The following STAG2 variants were observed in gnomAD, a reference collection of about 807,000 sequenced individuals.
The protein encoded by STAG2 is STAG2 cohesin complex component.
Under a neutral mutation model 108.1 loss-of-function variants are expected in STAG2, and 14 were observed. The ratio of observed to expected loss-of-function variants is 0.13; its 90% CI spans 0.09 to 0.20. The LOEUF (loss-of-function observed/expected upper bound fraction) is 0.20. Ranked by LOEUF, STAG2 falls within the 10% of genes least tolerant of loss-of-function variation. The pLI, the probability that STAG2 is intolerant of heterozygous loss-of-function variation, is 1.00. For synonymous variants in STAG2, 307 were observed against 302.7 expected (o/e 1.01, Z -0.15); for missense variants, 440 against 940.9 (o/e 0.47, Z 6.96).
Position 124,056,307 on chromosome X carries a change from A to G in STAG2, c.1304+72A>G, listed in dbSNP as rs889066781. ...ACAGTAATTTGTTATGTTATACTTG[A>G]CATTAAGATTATATATATATAACTT... On this transcript the variant is annotated intron_variant, in intron 14 of 34. Transcript: ENST00000371145. 120 of 638,681 alleles carry G rather than the reference A, an allele frequency of 1.9e-4. 1 individual carries two copies. In the African/African-American group the frequency reaches 2.0e-3, roughly 11 times the overall value. The allele number at this position is 638,681 out of a possible 1,213,427, so 52.6% of individuals were successfully genotyped here.
chrX:123,973,540 CAAAAAAAAAA>C (rs35943528), intron 1 of STAG2, among the ~76,000 whole-genome samples: 1 of 46,206 alleles, frequency 2.2e-5, no homozygotes, highest in African/African-American at 9.0e-5. Flanking sequence ...GACTCTGTCT[CAAAAAAAAAA>C]AAAAAAAAAA....
At chrX:124,057,460 T>C (rs968919721) in intron 14 of STAG2, among the ~76,000 whole-genome samples, 1 of 112,081 alleles carries the variant, frequency 8.9e-6, no homozygotes. Context: ...TAAGTTGGGG[T>C]AATTTTGCCA....
intron 4 of STAG2, among the ~76,000 whole-genome samples, 178 bp from the exon 5 acceptor site, chrX:124,030,783 T>C (rs961302488): frequency 2.7e-5 from 3 of 111,261 alleles, no homozygotes; most frequent in Non-Finnish European, 5.6e-5. Context: ...GTAGTATACT[T>C]GAAAAAATGG....
intron 8 of STAG2, among the ~76,000 whole-genome samples, chrX:124,046,651 T>C (rs2057888842): frequency 8.9e-6 from 1 of 111,989 alleles, no homozygotes; most frequent in Admixed American, 9.5e-5. Context: ...GTTAATAAAT[T>C]TTAAATCCCA....
At chrX:123,984,054 C>T (rs1284275974) in intron 1 of STAG2, among the ~76,000 whole-genome samples, 2 of 97,852 alleles carry the variant, frequency 2.0e-5, no homozygotes. Context: ...TCTTGGCTCA[C>T]TGCAACCTCT....
chrX:124,081,790 A>G (rs1214248282), intron 28 of STAG2, among the ~76,000 whole-genome samples: 3 of 111,751 alleles, frequency 2.7e-5, no homozygotes, highest in Non-Finnish European at 5.6e-5. Flanking sequence ...ACTTGAGGCC[A>G]GTAGTTTGAG....
intron 1 of STAG2, among the ~76,000 whole-genome samples, chrX:124,004,073 C>T (rs757209884): frequency 5.4e-5 from 6 of 111,884 alleles, no homozygotes; most frequent in South Asian, 3.7e-4. Flanking sequence ...GTTGTGCAGC[C>T]GTCACCACCA....
In STAG2 at chrX:124,048,874, G is replaced by T. The variant is rs2057954273; in HGVS notation, c.820-131G>T. On this transcript the variant is annotated intron_variant, in intron 9 of 34. Transcript: ENST00000371145. Reference sequence around the variant, plus strand: ...CTGTTAATTTTTCTATATGGTTACTGTTGTCTAGTATAATTCAAAATTCCC... The same window carrying T: ...CTGTTAATTTTTCTATATGGTTACTTTTGTCTAGTATAATTCAAAATTCCC... 11 of 483,799 alleles carry T rather than the reference G, an allele frequency of 2.3e-5. No homozygotes were observed. In the Admixed American group the frequency reaches 4.7e-4, roughly 21 times the overall value. The allele number at this position is 483,799 out of a possible 1,213,427, so 39.9% of individuals were successfully genotyped here.
intron 15 of STAG2, among the ~76,000 whole-genome samples, chrX:124,058,907 G>C: frequency 9.0e-6 from 1 of 111,319 alleles, no homozygotes; most frequent in Non-Finnish European, 1.9e-5. Context: ...TTATTCTTTA[G>C]GATTTTCTAC....
intron 19 of STAG2, among the ~76,000 whole-genome samples, chrX:124,063,593 A>G (rs1303997907): frequency 8.9e-6 from 1 of 112,080 alleles, no homozygotes; most frequent in Non-Finnish European, 1.9e-5. Context: ...CTGTGGATTA[A>G]TGTAAGCTCT....
chrX:124,069,448 C>T (rs2058615663), intron 24 of STAG2, among the ~76,000 whole-genome samples: 1 of 111,891 alleles, frequency 8.9e-6, no homozygotes, highest in African/African-American at 3.2e-5. Context: ...TTTTTGGACA[C>T]TGTGATATGT....
chrX:124,026,590 G>T, intron 4 of STAG2: 1 of 271,499 alleles, frequency 3.7e-6, no homozygotes, highest in Non-Finnish European at 7.6e-6. Flanking sequence ...ATGAATTTTG[G>T]ATTTATATTG....
rs991927369 is a variant in STAG2 at position 124,043,394 on chromosome X, G to A, written c.462+749G>A. Among the ~76,000 whole-genome samples, 4 of 111,027 alleles carry A rather than the reference G, an allele frequency of 3.6e-5. No homozygotes were observed. The South Asian group carries it at 1.5e-3, about 42-fold the overall frequency. ...TCGAACTCATTACCTCAAGTGACCCGCCCACCTTGGCCTCCCAAAGTGCGG... is the reference window on the plus strand; with the variant it reads ...TCGAACTCATTACCTCAAGTGACCCACCCACCTTGGCCTCCCAAAGTGCGG... On this transcript the variant is annotated intron_variant, in intron 7 of 34. Coordinates refer to ENST00000371145, the MANE Select transcript of STAG2 (RefSeq NM_001042750.2).
In STAG2 at chrX:124,058,302, C is replaced by T. The variant is rs1316617145; in HGVS notation, c.1416+325C>T. 2.7e-5 allele frequency among the ~76,000 whole-genome samples: 3 copies of T among 110,146 alleles called. No individual in the cohort carries two copies. In the South Asian group the frequency reaches 1.2e-3, roughly 43 times the overall value. ...CCTCCCGAGTAGCTGGGCTTCCAGGCGTGTGCCACCACGCCCAGCTAATTT... is the reference window on the plus strand; with the variant it reads ...CCTCCCGAGTAGCTGGGCTTCCAGGTGTGTGCCACCACGCCCAGCTAATTT... On this transcript the variant is annotated intron_variant, in intron 15 of 34. Transcript: ENST00000371145.
chrX:124,040,784 C>G (rs774518578), intron 6 of STAG2, among the ~76,000 whole-genome samples: 1 of 107,065 alleles, frequency 9.3e-6, no homozygotes, highest in Non-Finnish European at 1.9e-5. Flanking sequence ...AAGAGAGATA[C>G]GTGATTCTAG....
intron 13 of STAG2, 55 bp downstream of exon 13, chrX:124,051,449 A>G: frequency 1.0e-6 from 1 of 966,158 alleles, no homozygotes; most frequent in South Asian, 2.4e-5. Context: ...TAAATAATAT[A>G]TTAGAGTATT....
chrX:124,088,378 A>C (rs1299445096), intron 30 of STAG2, among the ~76,000 whole-genome samples: 1 of 111,145 alleles, frequency 9.0e-6, no homozygotes, highest in Non-Finnish European at 1.9e-5. Context: ...AGAATCATAG[A>C]AATTGGGGCA....
At chrX:124,033,827 T>C (rs1428304075) in intron 5 of STAG2, among the ~76,000 whole-genome samples, 2 of 112,179 alleles carry the variant, frequency 1.8e-5, no homozygotes, top group Non-Finnish European at 3.8e-5. Context: ...GAAATTTATT[T>C]CTTACAGTTT....
chrX:123,989,894 C>T (rs1340283821), intron 1 of STAG2, among the ~76,000 whole-genome samples: 2 of 111,097 alleles, frequency 1.8e-5, no homozygotes, highest in African/African-American at 6.6e-5. Context: ...GAGCCACCAC[C>T]CCTGGCAATT....
Sources: allele counts gnomAD v4.1 joint callset (sites outside exome capture counted in the v4.1 genomes callset), GRCh38; gene constraint gnomAD v4.1.1; transcripts MANE v1.5; gene names NCBI Gene and HGNC (gene_info 2026-07-23, HGNC 2026-07-21).